The following NAV2 variants were observed in gnomAD, a reference collection of about 807,000 sequenced individuals.
NAV2 encodes neuron navigator 2.
Under a neutral mutation model 223.2 loss-of-function variants are expected in NAV2, and 54 were observed. The ratio of observed to expected loss-of-function variants is 0.24; its 90% CI spans 0.19 to 0.30. NAV2 has a LOEUF of 0.30. NAV2 is among the 10% of genes least tolerant of loss of function. NAV2 has a pLI of 1.00. For synonymous variants in NAV2, 1,279 were observed against 1,239.3 expected (o/e 1.03, Z -0.67); for missense variants, 2,806 against 3,147.5 (o/e 0.89, Z 2.60).
At chr11:19,514,500 C>T (rs183816191) in intron 1 of NAV2, among the ~76,000 whole-genome samples, 13 of 152,332 alleles carry the variant, frequency 8.5e-5, no homozygotes, top group South Asian at 6.2e-4. Context: ...CTGGAAGCTG[C>T]GGAAATGACC....
chr11:20,114,636 G>A lies in NAV2; in HGVS notation c.7005G>A (p.Val2335=), dbSNP rs1391774386. ...CCTGGGAGGATCCTGCCAAGTGGGT[G>A]ATGGACACATATCCATGGGCAGCCA... ...RAPWEDPAKW[V]MDTYPWAASP... is the part of the protein sequence containing the mutation. The change falls in exon 37 of 38, where the codon GTG becomes GTA. Residue 2335 remains valine, a synonymous_variant. Coordinates refer to ENST00000349880, the MANE Select transcript of NAV2 (RefSeq NM_145117.5). 6.2e-7 allele frequency: 1 copy of A among 1,614,188 alleles called. No individual in the cohort carries two copies. The highest frequency in any genetic ancestry group is 1.1e-5 in the South Asian group (1 of 91,078).
At chr11:19,410,460 A>C (rs1850094780) in intron 1 of NAV2, among the ~76,000 whole-genome samples, 1 of 152,246 alleles carries the variant, frequency 6.6e-6, no homozygotes, top group South Asian at 2.1e-4. Context: ...CAAATAAGGA[A>C]ACCAAGGCAT....
intron 1 of NAV2, among the ~76,000 whole-genome samples, chr11:19,375,897 C>T (rs1307782219): frequency 6.6e-6 from 1 of 151,986 alleles, no homozygotes; most frequent in Non-Finnish European, 1.5e-5. Flanking sequence ...ATTAAAAACA[C>T]AAATATCATT....
At chr11:20,011,991 G>T (rs895492567) in intron 11 of NAV2, among the ~76,000 whole-genome samples, 5 of 152,246 alleles carry the variant, frequency 3.3e-5, no homozygotes, top group African/African-American at 1.2e-4. Context: ...TGTGTGTGCA[G>T]ATGATGCCCT....
Position 19,880,276 on chromosome 11 carries a change from G to C in NAV2, c.770+149G>C, listed in dbSNP as rs2063119929. On this transcript the variant is annotated intron_variant, in intron 5 of 37. Coordinates refer to ENST00000349880, the MANE Select transcript of NAV2 (RefSeq NM_145117.5). Reference sequence around the variant, plus strand: ...GTTAGTGGGAAATTAGCATGGCCTTGAAATGCATGCAGTGAGGAGCCCTTC... The same window carrying C: ...GTTAGTGGGAAATTAGCATGGCCTTCAAATGCATGCAGTGAGGAGCCCTTC... 3.8e-5 allele frequency: 44 copies of C among 1,156,480 alleles called. 1 individual carries two copies. In the South Asian group the frequency reaches 7.0e-4, roughly 18 times the overall value. 71.6% of individuals were successfully genotyped at this position (1,156,480 alleles called of 1,614,324 possible). A position where few individuals can be genotyped will look rare whatever the true frequency, so the allele number is the denominator to read the frequency against.
intron 1 of NAV2, among the ~76,000 whole-genome samples, chr11:19,821,427 C>A (rs185465363): frequency 6.6e-6 from 1 of 152,166 alleles, no homozygotes; most frequent in Non-Finnish European, 1.5e-5. Context: ...GTTTCAAAAC[C>A]TCTGGAGGTG....
chr11:19,407,713 C>T lies in NAV2; in HGVS notation c.75+56686C>T, dbSNP rs534647250. On this transcript the variant is annotated intron_variant, in intron 1 of 37. Coordinates refer to the NAV2 transcript ENST00000360655. ...CCATAGCCCCCGCATGCCCCCCTTC[C>T]AACTTGCTACCTTAAAAAGCAATCG... 3.4e-4 allele frequency among the ~76,000 whole-genome samples: 52 copies of T among 151,728 alleles called. 1 individual carries two copies. Among genetic ancestry groups the T allele is most frequent in the Admixed American group, 1.8e-3 (27 of 15,232 alleles).
intron 1 of NAV2, among the ~76,000 whole-genome samples, chr11:19,452,564 G>A (rs1428614403): frequency 6.6e-6 from 1 of 152,174 alleles, no homozygotes; most frequent in Non-Finnish European, 1.5e-5. Context: ...AACCCATTGT[G>A]AGTTGAAAAC....
intron 1 of NAV2, among the ~76,000 whole-genome samples, chr11:19,774,464 AC>A (rs1274092787): frequency 2.7e-4 from 41 of 152,354 alleles, no homozygotes; most frequent in African/African-American, 8.9e-4. Flanking sequence ...GGTGTGAGCT[AC>A]CGCGCTCAGC....
At chr11:19,496,363 G>C (rs1160374737) in intron 1 of NAV2, among the ~76,000 whole-genome samples, 3 of 152,210 alleles carry the variant, frequency 2.0e-5, no homozygotes, top group Non-Finnish European at 4.4e-5. Flanking sequence ...TCATGAGGTT[G>C]CATTCAAGAT....
At chr11:19,373,770 G>C (rs1021526212) in intron 1 of NAV2, among the ~76,000 whole-genome samples, 1 of 152,154 alleles carries the variant, frequency 6.6e-6, no homozygotes, top group Non-Finnish European at 1.5e-5. Flanking sequence ...TGTCGCTATA[G>C]CCCTGAACCT....
intron 26 of NAV2, among the ~76,000 whole-genome samples, chr11:20,088,462 G>A (rs141315017): frequency 2.8e-4 from 42 of 152,288 alleles, no homozygotes; most frequent in African/African-American, 8.4e-4. Flanking sequence ...GGCGTGAGCC[G>A]CCAACCCGGG....
intron 1 of NAV2, among the ~76,000 whole-genome samples, chr11:19,370,010 C>T (rs949452329): frequency 3.9e-5 from 6 of 152,292 alleles, no homozygotes; most frequent in African/African-American, 1.4e-4. Context: ...GATGGTTGAA[C>T]ACAGAAGCCT....
intron 1 of NAV2, among the ~76,000 whole-genome samples, chr11:19,462,320 ACTC>A (rs1415183197): frequency 6.6e-6 from 1 of 152,056 alleles, no homozygotes; most frequent in Admixed American, 6.6e-5. Flanking sequence ...AGGTACAACT[ACTC>A]CTAATTCCAT....
chr11:19,868,440 C>G (rs1434992712), intron 3 of NAV2, among the ~76,000 whole-genome samples: 2 of 152,152 alleles, frequency 1.3e-5, no homozygotes, highest in African/African-American at 4.8e-5. Context: ...TCACAGCCCT[C>G]CCCAGTCATT....
At chr11:19,602,173 CTTTTTTT>C (rs1204696986) in intron 1 of NAV2, among the ~76,000 whole-genome samples, 1 of 116,256 alleles carries the variant, frequency 8.6e-6, no homozygotes, top group Non-Finnish European at 1.8e-5. Flanking sequence ...CTCTACAAGT[CTTTTTTT>C]TTTTTTTTTT....
intron 7 of NAV2, among the ~76,000 whole-genome samples, chr11:19,935,864 T>TTTTTTTTTTTTTTTTTTTTTTTTG (rs1353477125): frequency 4.2e-4 from 42 of 101,162 alleles, no homozygotes; most frequent in East Asian, 1.7e-3. Context: ...TTTTTTTTTT[T>TTTTTTTTTTTTTTTTTTTTTTTTG]TTTTTTTTTT....
At position 20,102,213 on chromosome 11, in the gene NAV2, A is replaced by G. The variant is rs906023420; in HGVS notation, c.6417+1041A>G. Reference sequence around the variant, plus strand: ...GCCTGGGGCCCAGAGATCACGGTGAAGAGGGACTAAGAGAACTAGCCACTT... The same window carrying G: ...GCCTGGGGCCCAGAGATCACGGTGAGGAGGGACTAAGAGAACTAGCCACTT... On this transcript the variant is annotated intron_variant, in intron 32 of 37. Coordinates refer to ENST00000349880, the MANE Select transcript of NAV2 (RefSeq NM_145117.5). 3.3e-5 allele frequency among the ~76,000 whole-genome samples: 5 copies of G among 152,128 alleles called. 1 individual carries two copies. Among genetic ancestry groups the G allele is most frequent in the Admixed American group, 3.3e-4 (5 of 15,274 alleles).
Position 19,933,823 on chromosome 11 carries a change from G to A in NAV2, c.1579G>A (p.Ala527Thr). ...GGAGCCAAAAGAAGACCCCAGTGGA[G>A]CAGCTGTGCCCGAGATGCCAAAAAA... is the stretch of plus-strand genomic sequence containing the variant. ...KEEPKEDPSG[A>T]AVPEMPKKSS... Residue 527 changes from alanine to threonine, a missense_variant, in exon 7 of 38, where the codon GCA (alanine) becomes ACA (threonine). By Grantham distance (58) the Ala-to-Thr change is moderately conservative. Coordinates refer to ENST00000349880, the MANE Select transcript of NAV2 (RefSeq NM_145117.5). This position sits in a 1 kb window ranked among gnomAD's most constrained non-coding sequence, Gnocchi z 4.3. 6.2e-7 allele frequency: 1 copy of A among 1,612,624 alleles called. No homozygotes were observed. Among genetic ancestry groups the A allele is most frequent in the South Asian group, 1.1e-5 (1 of 90,956 alleles).
Sources: gnomAD v4.1 joint callset for allele counts (sites outside exome capture counted in the v4.1 genomes callset) on GRCh38, gnomAD v4.1.1 for gene constraint, Gnocchi (gnomAD v3.1) non-coding constraint, MANE v1.5 for transcripts, NCBI Gene and HGNC (gene_info 2026-07-23, HGNC 2026-07-21) for gene names.